ERBB4: variants seen among roughly 807,000 people sequenced by gnomAD.
The protein encoded by ERBB4 is receptor tyrosine-protein kinase erbB-4.
Under a neutral mutation model 158.0 loss-of-function variants are expected in ERBB4, and 42 were observed. The ratio of observed to expected loss-of-function variants is 0.27; its 90% CI spans 0.21 to 0.34. The LOEUF (loss-of-function observed/expected upper bound fraction) is 0.34, where lower values mean the gene tolerates loss of function less well. ERBB4 is among the 10% of genes least tolerant of loss of function. The probability of loss-of-function intolerance (pLI) is 1.00; values close to 1 mark genes in which losing one functional copy is unlikely to be tolerated. For synonymous variants in ERBB4, 583 were observed against 558.7 expected (o/e 1.04, Z -0.61); for missense variants, 1,333 against 1,624.1 (o/e 0.82, Z 3.08).
intron 3 of ERBB4, among the ~76,000 whole-genome samples, chr2:211,856,974 C>T (rs1280805392): frequency 6.6e-6 from 1 of 151,848 alleles, no homozygotes; most frequent in Non-Finnish European, 1.5e-5. Context: ...GAACTTTAGA[C>T]AAAATTATTT....
intron 1 of ERBB4, among the ~76,000 whole-genome samples, chr2:212,147,184 T>TTTTC (rs2080708760): frequency 7.3e-6 from 1 of 137,728 alleles, no homozygotes; most frequent in African/African-American, 2.8e-5. Flanking sequence ...TTTTTTTTTT[T>TTTTC]TTGTAGAGAT....
In ERBB4 at chr2:211,836,918, T is replaced by C. The variant is rs1298165077; in HGVS notation, c.422-48759A>G. On this transcript the variant is annotated intron_variant, in intron 3 of 27. Coordinates refer to ENST00000342788, the MANE Select transcript of ERBB4 (RefSeq NM_005235.3). The stretch of plus-strand genomic sequence containing the variant: ...ATACAAAGGCACAATGGGAGCCAAA[T>C]AGTTAAGTACAGTAGAAGTAAGAGA... Among the ~76,000 whole-genome samples, 3 of 151,990 alleles carry C rather than the reference T, an allele frequency of 2.0e-5. No individual in the cohort carries two copies. The East Asian group carries it at 5.8e-4, about 29-fold the overall frequency.
intron 25 of ERBB4, among the ~76,000 whole-genome samples, chr2:211,388,251 A>T (rs890695585): frequency 2.0e-5 from 3 of 152,206 alleles, no homozygotes; most frequent in Non-Finnish European, 2.9e-5. Flanking sequence ...AAATTTTTCA[A>T]TGGATTAGAA....
At chr2:211,576,065 A>T (rs1976834) in intron 19 of ERBB4, among the ~76,000 whole-genome samples, 114,076 of 152,024 alleles carry the variant, frequency 0.75, 45,045 homozygotes, top group East Asian at 0.89. Context: ...GGTAACAGCA[A>T]TGAGTACAAA....
At chr2:212,119,277 T>A (rs931289789) in intron 2 of ERBB4, among the ~76,000 whole-genome samples, 1 of 152,186 alleles carries the variant, frequency 6.6e-6, no homozygotes, top group Non-Finnish European at 1.5e-5. Flanking sequence ...CATTTCATAG[T>A]ATACTTCTTT....
chr2:212,041,817 G>A (rs1286435738), intron 2 of ERBB4, among the ~76,000 whole-genome samples: 6 of 151,942 alleles, frequency 3.9e-5, no homozygotes, highest in Non-Finnish European at 7.4e-5. Context: ...TGAACAATAC[G>A]TTAATTACCC....
At chr2:211,975,695 T>C (rs115682260) in intron 2 of ERBB4, among the ~76,000 whole-genome samples, 242 of 152,314 alleles carry the variant, frequency 1.6e-3, no homozygotes, top group African/African-American at 5.6e-3. Flanking sequence ...AATTTATGCC[T>C]CATTACTTTC....
intron 20 of ERBB4, among the ~76,000 whole-genome samples, chr2:211,495,040 T>G (rs1178918135): frequency 6.6e-6 from 1 of 152,016 alleles, no homozygotes. Context: ...TAAAAGAATA[T>G]CTTAGTACTT....
At chr2:211,470,951 C>T (rs1315206184) in intron 20 of ERBB4, among the ~76,000 whole-genome samples, 1 of 152,156 alleles carries the variant, frequency 6.6e-6, no homozygotes, top group African/African-American at 2.4e-5. Context: ...TGCCCTTCAA[C>T]CATTTGGACA....
At chr2:211,716,151 T>C (rs569913916) in intron 7 of ERBB4, among the ~76,000 whole-genome samples, 3 of 134,270 alleles carry the variant, frequency 2.2e-5, no homozygotes, top group South Asian at 4.8e-4. Flanking sequence ...TCACCTGAGG[T>C]AGGGAGTTCA....
intron 2 of ERBB4, among the ~76,000 whole-genome samples, chr2:211,990,182 CT>C (rs2082035611): frequency 6.6e-6 from 1 of 151,812 alleles, no homozygotes; most frequent in Non-Finnish European, 1.5e-5. Flanking sequence ...TAGATGTCTA[CT>C]GAGGAAATGT....
intron 1 of ERBB4, among the ~76,000 whole-genome samples, chr2:212,151,937 G>A (rs2080886885): frequency 1.3e-5 from 2 of 152,242 alleles, no homozygotes; most frequent in African/African-American, 4.8e-5. Flanking sequence ...GAATACTAGT[G>A]TTACTAGTTT....
intron 1 of ERBB4, among the ~76,000 whole-genome samples, chr2:212,376,898 G>A (rs762149354): frequency 6.6e-6 from 1 of 152,016 alleles, no homozygotes; most frequent in East Asian, 1.9e-4. Flanking sequence ...TAAGAAGCAG[G>A]CAAACTATTG....
At chr2:212,029,772 C>G (rs2076857810) in intron 2 of ERBB4, among the ~76,000 whole-genome samples, 1 of 151,978 alleles carries the variant, frequency 6.6e-6, no homozygotes, top group Non-Finnish European at 1.5e-5. Flanking sequence ...TGTGTCTAAA[C>G]ATTTTGTTTA....
At chr2:211,719,972 T>A (rs1337674929) in intron 7 of ERBB4, among the ~76,000 whole-genome samples, 1 of 152,086 alleles carries the variant, frequency 6.6e-6, no homozygotes, top group Non-Finnish European at 1.5e-5. Context: ...TAAGGGAAAG[T>A]ACACGGCATA....
At chr2:211,661,553 C>A (rs1323444702) in intron 15 of ERBB4, among the ~76,000 whole-genome samples, 1 of 151,960 alleles carries the variant, frequency 6.6e-6, no homozygotes, top group Non-Finnish European at 1.5e-5. Context: ...CCTTGATGTA[C>A]TCATTTAACC....
At chr2:212,088,195 C>T (rs1036314073) in intron 2 of ERBB4, among the ~76,000 whole-genome samples, 3 of 152,020 alleles carry the variant, frequency 2.0e-5, no homozygotes, top group South Asian at 2.1e-4. Context: ...AAGGGCAAAT[C>T]GAGCAGTAAC....
intron 23 of ERBB4, among the ~76,000 whole-genome samples, chr2:211,423,115 A>C (rs1019572762): frequency 1.3e-5 from 2 of 151,976 alleles, no homozygotes; most frequent in Non-Finnish European, 2.9e-5. Context: ...GCTAATGCCA[A>C]GATGCTAATG....
At chr2:212,419,541 A>C (rs745808488) in intron 1 of ERBB4, among the ~76,000 whole-genome samples, 7 of 151,904 alleles carry the variant, frequency 4.6e-5, no homozygotes, top group Non-Finnish European at 8.8e-5. Context: ...TTGTATACAT[A>C]TACATATAAA....
Sources: gnomAD v4.1 joint callset for allele counts (sites outside exome capture counted in the v4.1 genomes callset) on GRCh38, gnomAD v4.1.1 for gene constraint, MANE v1.5 for transcripts, NCBI Gene and HGNC (gene_info 2026-07-23, HGNC 2026-07-21) for gene names.